ACAD8: variants seen among roughly 807,000 people sequenced by gnomAD.
The protein encoded by ACAD8 is acyl-CoA dehydrogenase family member 8, also known as isobutyryl-CoA dehydrogenase, mitochondrial.
ACAD8 carries 47 observed loss-of-function variants against 53.1 expected under a neutral mutation model. The observed-to-expected ratio is 0.89, with a 90% CI of 0.70 to 1.13. The LOEUF is 1.13. Among genes scored for constraint, ACAD8 ranks in the 50% most tolerant of loss-of-function variants. The pLI is 0.00. For missense variants in ACAD8, 494 were observed against 535.0 expected (o/e 0.92, Z 0.76); for synonymous variants, 198 against 201.3 (o/e 0.98, Z 0.14).
At chr11:134,260,168 G>A in intron 6 of ACAD8, 1 of 1,141,916 alleles carries the variant, frequency 8.8e-7, no homozygotes, top group Non-Finnish European at 1.1e-6. Context: ...CATTGGAGAT[G>A]ATTGTGGGTA....
chr11:134,254,983 C>T (rs1291390074), intron 1 of ACAD8, among the ~76,000 whole-genome samples: 1 of 152,180 alleles, frequency 6.6e-6, no homozygotes, highest in Non-Finnish European at 1.5e-5. Context: ...AAACTATTTC[C>T]TTCCATTAGA....
At chr11:134,258,015 A>G in intron 3 of ACAD8, 1 of 197,494 alleles carries the variant, frequency 5.1e-6, no homozygotes, top group South Asian at 8.6e-5. Flanking sequence ...ACACCTGGCT[A>G]ATTTTTTTTC....
chr11:134,256,878 C>T lies in ACAD8; in HGVS notation c.211-210C>T. 6.0e-6 allele frequency: 4 copies of T among 664,528 alleles called. No homozygotes were observed. In the Admixed American group the frequency reaches 8.6e-5, roughly 14 times the overall value. The allele number at this position is 664,528 out of a possible 1,614,324, so 41.2% of individuals were successfully genotyped here. On this transcript the variant is annotated intron_variant, in intron 2 of 10. Transcript: ENST00000281182. ...ATTTGGATATAAAACTAAGGCAGTT[C>T]TATAGATAATAAAAAGAAACTTCTT...
At chr11:134,260,737 G>A in intron 6 of ACAD8, 1 of 432,038 alleles carries the variant, frequency 2.3e-6, no homozygotes, top group Non-Finnish European at 4.3e-6. Flanking sequence ...TCAATTAGAG[G>A]CACTGAAATT....
chr11:134,258,081 A>G, intron 3 of ACAD8: 1 of 273,852 alleles, frequency 3.7e-6, no homozygotes, highest in Non-Finnish European at 7.1e-6. Context: ...CAAACTCCTG[A>G]CCTTGTGTTC....
chr11:134,257,434 G>A (rs1939604643), intron 3 of ACAD8, among the ~76,000 whole-genome samples, 177 bp downstream of exon 3: 1 of 152,178 alleles, frequency 6.6e-6, no homozygotes, highest in Admixed American at 6.5e-5. Context: ...AGCACTTTGG[G>A]AGGCCAAGGC....
At position 134,259,548 on chromosome 11, in the gene ACAD8, C is replaced by T. The variant is rs1939749226; in HGVS notation, c.568-60C>T. On this transcript the variant is annotated intron_variant, in intron 5 of 10. Transcript: ENST00000281182. ...TTGTCAGGAGGACCCAGTGGTGTTC[C>T]CAGACGCTGTGAGAACTCAAGCATT... is the stretch of plus-strand genomic sequence containing the variant. 1.9e-6 allele frequency: 3 copies of T among 1,611,710 alleles called. No homozygotes were observed. In the South Asian group the frequency reaches 3.3e-5, roughly 18 times the overall value.
intron 9 of ACAD8, chr11:134,262,247 G>T: frequency 1.5e-6 from 1 of 652,288 alleles, no homozygotes; most frequent in Non-Finnish European, 2.8e-6. Flanking sequence ...ATCCCAGCCA[G>T]GGTGGCTGTG....
At chr11:134,259,445 G>T (rs1591511342) in intron 5 of ACAD8, 163 bp from the exon 6 acceptor site, 3 of 581,830 alleles carry the variant, frequency 5.2e-6, no homozygotes, top group Non-Finnish European at 8.9e-6. Context: ...CTTATTGTCA[G>T]TCTCTGTGCC....
At chr11:134,254,933 T>G (rs559498286) in intron 1 of ACAD8, among the ~76,000 whole-genome samples, 189 of 152,380 alleles carry the variant, frequency 1.2e-3, no homozygotes, top group African/African-American at 4.3e-3. Context: ...CTGTATTTCC[T>G]TCTGGGAACT....
Position 134,265,374 on chromosome 11 carries a change from A to C in ACAD8, c.*414A>C, listed in dbSNP as rs550942558. 5.9e-4 allele frequency: 118 copies of C among 201,250 alleles called. No homozygotes were observed. Among genetic ancestry groups the C allele is most frequent in the Non-Finnish European group, 4.7e-4 (46 of 97,732 alleles). The allele number at this position is 201,250 out of a possible 1,614,324, so 12.5% of individuals were successfully genotyped here. A position where few individuals can be genotyped will look rare whatever the true frequency, so the allele number is the denominator to read the frequency against. ...CTGATTCTAGAGCAAAGGTGTGGGA[A>C]GGGGAAATGGAGGAATGCCCTCCTG... On this transcript the variant is annotated 3_prime_UTR_variant, in exon 11 of 11. Coordinates refer to ENST00000281182, the MANE Select transcript of ACAD8 (RefSeq NM_014384.3).
chr11:134,256,363 C>A (rs1201978873), intron 1 of ACAD8, among the ~76,000 whole-genome samples, 185 bp from the exon 2 acceptor site: 1 of 152,212 alleles, frequency 6.6e-6, no homozygotes, highest in Non-Finnish European at 1.5e-5. Context: ...CTAGAACTGT[C>A]CTTTCTCCAT....
rs943330749 is a variant in ACAD8 at position 134,258,974 on chromosome 11, A to T, written c.491-34A>T. 3 of 1,580,502 alleles carry T rather than the reference A, an allele frequency of 1.9e-6. No homozygotes were observed. The South Asian group carries it at 3.3e-5, about 17-fold the overall frequency. On this transcript the variant is annotated intron_variant, in intron 4 of 10. Coordinates refer to ENST00000281182, the MANE Select transcript of ACAD8 (RefSeq NM_014384.3). ...CTCCCTCGACCTCACTGACTTTCTC[A>T]CCTTCTCTCTGCTGCCTTTTGATCC... is the stretch of plus-strand genomic sequence containing the variant.
Position 134,253,611 on chromosome 11 carries a change from G to A in ACAD8, c.11G>A (p.Ser4Asn), listed in dbSNP as rs1565367702. ...GGAGCTGCGGCGGCTATGCTGTGGA[G>A]CGGCTGCCGGCGTTTCGGGGCGCGC... MLW[S>N]GCRRFGARLG... The change falls in exon 1 of 11, where the codon AGC (serine) becomes AAC (asparagine). Residue 4 changes from serine to asparagine, a missense_variant. By Grantham distance (46) the Ser-to-Asn change is conservative. Transcript: ENST00000281182. The A allele has an allele frequency of 1.3e-6, 2 of 1,579,082 alleles. No individual in the cohort carries two copies. The highest frequency in any genetic ancestry group is 1.1e-5 in the South Asian group (1 of 87,266).
Position 134,262,367 on chromosome 11 carries a change from A to T in ACAD8, c.1093-153A>T, listed in dbSNP as rs75688384. 10,190 of 673,786 alleles carry T rather than the reference A, an allele frequency of 0.015. 724 individuals carry two copies. In the African/African-American group the frequency reaches 0.16, roughly 11 times the overall value. 41.7% of individuals were successfully genotyped at this position (673,786 alleles called of 1,614,324 possible). On this transcript the variant is annotated intron_variant, in intron 9 of 10. Transcript: ENST00000281182. Reference sequence around the variant, plus strand: ...GTGAACTTCCCTTGTCTCTAACCATACAGAATGTGGAGGCCCTCTTTGAGC... The same window carrying T: ...GTGAACTTCCCTTGTCTCTAACCATTCAGAATGTGGAGGCCCTCTTTGAGC...
At position 134,253,635 on chromosome 11, in the gene ACAD8, G is replaced by T. The variant is rs766989918; in HGVS notation, c.35G>T (p.Arg12Leu). 10 of 1,585,258 alleles carry T rather than the reference G, an allele frequency of 6.3e-6. No homozygotes were observed. In the East Asian group the frequency reaches 9.3e-5, roughly 15 times the overall value. Reference protein sequence around the residue: ...LWSGCRRFGARLGCLPGGLRV... With the variant: ...LWSGCRRFGALLGCLPGGLRV... ...AGCGGCTGCCGGCGTTTCGGGGCGC[G>T]CCTCGGCTGCCTGCCCGGCGGTCTC... The change falls in exon 1 of 11, where the codon CGC becomes CTC. Residue 12 changes from arginine to leucine, a missense_variant. Transcript: ENST00000281182.
At chr11:134,257,301 GCTGA>G (rs1939595305) in intron 3 of ACAD8, 44 bp downstream of exon 3, 1 of 1,604,678 alleles carries the variant, frequency 6.2e-7, no homozygotes, top group East Asian at 2.2e-5. Context: ...GCTCACTCGG[GCTGA>G]CTGTGAGAGT....
chr11:134,254,418 G>C (rs11223734), intron 1 of ACAD8, among the ~76,000 whole-genome samples: 1 of 152,000 alleles, frequency 6.6e-6, no homozygotes, highest in Non-Finnish European at 1.5e-5. Flanking sequence ...TGAATGTAGC[G>C]AGGAGTGGTG....
rs766230652 is a variant in ACAD8, at chr11:134,261,350, GAGA to G, written c.918_920del (p.Glu307del). 2 of 1,614,136 alleles carry G rather than the reference GAGA, an allele frequency of 1.2e-6. No individual in the cohort carries two copies. The highest frequency in any genetic ancestry group is 3.3e-4 in the Middle Eastern group (2 of 6,062). On this transcript the variant is annotated inframe_deletion, in exon 8 of 11. Transcript: ENST00000281182. This position sits in a 1 kb window ranked among gnomAD's most constrained non-coding sequence, Gnocchi z 4.2. ...CACCTCAATGTCCGGAAGCAGTTTGGAGAGCCTCTGGCCAGTAACCAGGTAACC... is the reference window on the plus strand; with the variant it reads ...CACCTCAATGTCCGGAAGCAGTTTGGGCCTCTGGCCAGTAACCAGGTAACC...
Sources: allele counts gnomAD v4.1 joint callset (sites outside exome capture counted in the v4.1 genomes callset), GRCh38; gene constraint gnomAD v4.1.1; non-coding constraint Gnocchi (gnomAD v3.1); transcripts MANE v1.5; gene names NCBI Gene and HGNC (gene_info 2026-07-23, HGNC 2026-07-21).